KCNC2: variants seen among roughly 807,000 people sequenced by gnomAD.
KCNC2 encodes potassium voltage-gated channel subfamily C member 2.
KCNC2 carries 21 observed loss-of-function variants against 44.5 expected under a neutral mutation model. The ratio of observed to expected loss-of-function variants is 0.47; its 90% confidence interval spans 0.33 to 0.68. The LOEUF (loss-of-function observed/expected upper bound fraction) is 0.68. Ranked by LOEUF, KCNC2 falls within the 30% of genes least tolerant of loss-of-function variation. The pLI, the probability that KCNC2 is intolerant of heterozygous loss-of-function variation, is 0.01. For synonymous variants in KCNC2, 391 were observed against 339.1 expected (o/e 1.15, Z -1.68); for missense variants, 589 against 826.2 (o/e 0.71, Z 3.52).
Position 75,148,112 on chromosome 12 carries a change from A to G in KCNC2, c.687+59185T>C, listed in dbSNP as rs182734589. Reference sequence around the variant, plus strand: ...TTTTCCCCATCCACTTTTCCCTACAATGTATACATATATCAGAACATTGCA... The same window carrying G: ...TTTTCCCCATCCACTTTTCCCTACAGTGTATACATATATCAGAACATTGCA... On this transcript the variant is annotated intron_variant, in intron 2 of 4. Coordinates refer to ENST00000549446, the MANE Select transcript of KCNC2 (RefSeq NM_139137.4). Among the ~76,000 whole-genome samples, 627 of 152,194 alleles carry G rather than the reference A, an allele frequency of 4.1e-3. 2 individuals carry two copies. Among genetic ancestry groups the G allele is most frequent in the Non-Finnish European group, 5.9e-3 (403 of 67,952 alleles).
chr12:75,191,851 T>C (rs2137718228), intron 2 of KCNC2, among the ~76,000 whole-genome samples: 1 of 151,980 alleles, frequency 6.6e-6, no homozygotes, highest in Admixed American at 6.6e-5. Flanking sequence ...GCCCGGCCTA[T>C]TATAATCTAT....
intron 2 of KCNC2, among the ~76,000 whole-genome samples, chr12:75,102,704 G>A (rs1886466201): frequency 6.6e-6 from 1 of 151,874 alleles, no homozygotes; most frequent in Non-Finnish European, 1.5e-5. Context: ...AAACAGTTGT[G>A]CCTTAATGGA....
At chr12:75,046,925 T>A (rs544899703) in intron 4 of KCNC2, among the ~76,000 whole-genome samples, 1 of 151,816 alleles carries the variant, frequency 6.6e-6, no homozygotes, top group African/African-American at 2.4e-5. Flanking sequence ...TGAAGAGAAG[T>A]ACAACATGGG....
chr12:75,099,519 T>G (rs2137171047), intron 2 of KCNC2, among the ~76,000 whole-genome samples: 1 of 152,274 alleles, frequency 6.6e-6, no homozygotes, highest in African/African-American at 2.4e-5. Flanking sequence ...TACAGAAAAC[T>G]TCTGACTATG....
At chr12:75,151,761 C>G (rs1890410003) in intron 2 of KCNC2, among the ~76,000 whole-genome samples, 1 of 151,086 alleles carries the variant, frequency 6.6e-6, no homozygotes, top group Non-Finnish European at 1.5e-5. Flanking sequence ...AAGAACCAAA[C>G]AGAACTGATA....
intron 2 of KCNC2, among the ~76,000 whole-genome samples, chr12:75,140,427 T>C (rs926865548): frequency 1.1e-4 from 16 of 152,228 alleles, no homozygotes; most frequent in African/African-American, 3.9e-4. Flanking sequence ...TGGCAAAGAA[T>C]CATACAAATA....
intron 2 of KCNC2, among the ~76,000 whole-genome samples, chr12:75,075,125 C>A (rs964440581): frequency 6.6e-6 from 1 of 152,086 alleles, no homozygotes; most frequent in Non-Finnish European, 1.5e-5. Flanking sequence ...AGACCGTGAA[C>A]TTTATCCTTA....
rs187006200 is a variant in KCNC2 at position 75,069,532 on chromosome 12, C to T, written c.688-18215G>A. Among the ~76,000 whole-genome samples the T allele has an allele frequency of 2.1e-3, 321 of 152,210 alleles. 3 individuals are homozygous for T. Among genetic ancestry groups the T allele is most frequent in the African/African-American group, 6.8e-3 (284 of 41,528 alleles). ...TCCGGCAGACTAAGATTTCACCATACGATATGGCTCTTACAGAATCATTTC... is the reference window on the plus strand; with the variant it reads ...TCCGGCAGACTAAGATTTCACCATATGATATGGCTCTTACAGAATCATTTC... On this transcript the variant is annotated intron_variant, in intron 2 of 4. Transcript: ENST00000549446.
At chr12:75,139,633 A>G (rs1245835012) in intron 2 of KCNC2, among the ~76,000 whole-genome samples, 1 of 152,220 alleles carries the variant, frequency 6.6e-6, no homozygotes, top group Non-Finnish European at 1.5e-5. Context: ...GGTAGCTATT[A>G]TAACTCTTCT....
At chr12:75,209,049 G>T (rs1208413783) in intron 1 of KCNC2, among the ~76,000 whole-genome samples, 158 bp downstream of exon 1, 1 of 152,074 alleles carries the variant, frequency 6.6e-6, no homozygotes, top group African/African-American at 2.4e-5. Flanking sequence ...CTCGCTGACA[G>T]TGTCCCTGTT....
intron 2 of KCNC2, among the ~76,000 whole-genome samples, chr12:75,167,279 G>A (rs1891520522): frequency 6.6e-6 from 1 of 150,660 alleles, no homozygotes; most frequent in Non-Finnish European, 1.5e-5. Context: ...TGTCATCTTG[G>A]TTTCTATCTA....
intron 2 of KCNC2, among the ~76,000 whole-genome samples, chr12:75,108,308 C>G (rs1003467630): frequency 1.3e-5 from 2 of 152,262 alleles, no homozygotes; most frequent in African/African-American, 4.8e-5. Flanking sequence ...TTTCTACACA[C>G]AGAAAATAGG....
intron 2 of KCNC2, among the ~76,000 whole-genome samples, chr12:75,166,051 G>C (rs1340237035): frequency 3.3e-5 from 5 of 151,106 alleles, no homozygotes; most frequent in African/African-American, 1.2e-4. Flanking sequence ...TGAAAGTAAA[G>C]AATGGAAAAA....
At chr12:75,113,596 C>A (rs61932874) in intron 2 of KCNC2, among the ~76,000 whole-genome samples, 1 of 152,158 alleles carries the variant, frequency 6.6e-6, no homozygotes, top group South Asian at 2.1e-4. Flanking sequence ...AGCCTCCATA[C>A]CAACACCTCC....
At chr12:75,076,108 A>AGAG (rs1883947155) in intron 2 of KCNC2, among the ~76,000 whole-genome samples, 1 of 151,834 alleles carries the variant, frequency 6.6e-6, no homozygotes, top group Non-Finnish European at 1.5e-5. Flanking sequence ...AAAGAATACC[A>AGAG]GAGTAATTTT....
At chr12:75,075,955 T>C (rs1239400835) in intron 2 of KCNC2, among the ~76,000 whole-genome samples, 2 of 152,094 alleles carry the variant, frequency 1.3e-5, no homozygotes, top group Admixed American at 6.5e-5. Flanking sequence ...TAAAGTCTCC[T>C]AATGATCAAA....
At chr12:75,182,139 G>A (rs545183770) in intron 2 of KCNC2, among the ~76,000 whole-genome samples, 2 of 151,602 alleles carry the variant, frequency 1.3e-5, no homozygotes, top group East Asian at 3.9e-4. Context: ...GACTTTCAAA[G>A]CCCTGCCCTG....
chr12:75,060,588 C>T (rs184361635), intron 2 of KCNC2, among the ~76,000 whole-genome samples: 97 of 152,150 alleles, frequency 6.4e-4, no homozygotes, highest in Non-Finnish European at 1.6e-4. Context: ...TCCTCAGCCT[C>T]CCAAGTTGCT....
intron 2 of KCNC2, among the ~76,000 whole-genome samples, chr12:75,095,798 A>C (rs1885872178): frequency 6.6e-6 from 1 of 151,882 alleles, no homozygotes; most frequent in African/African-American, 2.4e-5. Flanking sequence ...GTTCTTAAAT[A>C]TTTGTTTACT....
Sources: allele counts gnomAD v4.1 joint callset (sites outside exome capture counted in the v4.1 genomes callset), GRCh38; gene constraint gnomAD v4.1.1; transcripts MANE v1.5; gene names NCBI Gene and HGNC (gene_info 2026-07-23, HGNC 2026-07-21).